OTUD7A: variants seen among roughly 807,000 people sequenced by gnomAD.
The protein encoded by OTUD7A is OTU deubiquitinase 7A, also known as OTU domain-containing protein 7A.
In OTUD7A, 12 loss-of-function variants were observed where a neutral mutation model predicts 65.7. The observed-to-expected ratio is 0.18, with a 90% CI of 0.12 to 0.30. The LOEUF (loss-of-function observed/expected upper bound fraction) is 0.30, where lower values mean the gene tolerates loss of function less well. Among genes scored for constraint, OTUD7A ranks in the 10% least tolerant of loss-of-function variants. The pLI, the probability that OTUD7A is intolerant of heterozygous loss-of-function variation, is 1.00. For missense variants in OTUD7A, 1,148 were observed against 1,304.8 expected (o/e 0.88, Z 1.85); for synonymous variants, 641 against 586.3 (o/e 1.09, Z -1.35).
At chr15:31,751,983 A>C (rs1201844169) in intron 1 of OTUD7A, among the ~76,000 whole-genome samples, 2 of 152,186 alleles carry the variant, frequency 1.3e-5, no homozygotes, top group African/African-American at 4.8e-5. Flanking sequence ...ACAGAAGCCC[A>C]AACCCCAGCA....
intron 1 of OTUD7A, among the ~76,000 whole-genome samples, chr15:31,768,969 C>T (rs1445536569): frequency 6.6e-6 from 1 of 152,070 alleles, no homozygotes; most frequent in Non-Finnish European, 1.5e-5. Flanking sequence ...AAAGAAAGAA[C>T]AAACAGTAAA....
chr15:31,733,283 C>T (rs1347661262), intron 1 of OTUD7A, among the ~76,000 whole-genome samples: 1 of 152,218 alleles, frequency 6.6e-6, no homozygotes, highest in East Asian at 1.9e-4. Flanking sequence ...CATTACCTCC[C>T]CTGAGTTTGG....
chr15:31,788,900 T>C (rs1895742656), intron 1 of OTUD7A, among the ~76,000 whole-genome samples: 1 of 152,182 alleles, frequency 6.6e-6, no homozygotes, highest in Non-Finnish European at 1.5e-5. Flanking sequence ...TCATTTTGCA[T>C]ATGAACAGGC....
At chr15:31,806,579 C>G (rs1366108735) in intron 1 of OTUD7A, among the ~76,000 whole-genome samples, 5 of 152,218 alleles carry the variant, frequency 3.3e-5, no homozygotes, top group Admixed American at 3.3e-4. Context: ...GCAAAGCCAA[C>G]AAGGACCCCC....
intron 8 of OTUD7A, among the ~76,000 whole-genome samples, chr15:31,515,423 T>C (rs992353765): frequency 2.6e-5 from 4 of 152,104 alleles, no homozygotes; most frequent in African/African-American, 9.7e-5. Context: ...CATGCAAAAC[T>C]TAAAGCAGGG....
chr15:31,548,861 C>A (rs184448481), intron 5 of OTUD7A, among the ~76,000 whole-genome samples: 1 of 152,114 alleles, frequency 6.6e-6, no homozygotes, highest in African/African-American at 2.4e-5. Context: ...TCTGGCTGGA[C>A]ACAGTGGCTC....
intron 1 of OTUD7A, among the ~76,000 whole-genome samples, chr15:31,720,027 G>A (rs1893691099): frequency 6.6e-6 from 1 of 152,084 alleles, no homozygotes; most frequent in African/African-American, 2.4e-5. Context: ...AAGCTTAAAC[G>A]CTAATATAAT....
intron 5 of OTUD7A, among the ~76,000 whole-genome samples, chr15:31,552,252 T>C (rs192719494): frequency 5.9e-5 from 9 of 152,210 alleles, no homozygotes; most frequent in Admixed American, 2.6e-4. Flanking sequence ...TGCAGAACTG[T>C]GAGCCAAATA....
At chr15:31,685,035 C>T (rs1215746489) in intron 1 of OTUD7A, among the ~76,000 whole-genome samples, 3 of 151,824 alleles carry the variant, frequency 2.0e-5, no homozygotes, top group South Asian at 2.1e-4. Context: ...GTTATGGAAA[C>T]GTTGATTCCA....
intron 3 of OTUD7A, among the ~76,000 whole-genome samples, chr15:31,592,879 C>CAAATAA (rs1453670641): frequency 2.3e-4 from 2 of 8,536 alleles, no homozygotes; most frequent in Non-Finnish European, 3.4e-4. Context: ...GGCTCTGTCT[C>CAAATAA]AAAAAAAAAA....
chr15:31,800,156 C>T (rs1896081780), intron 1 of OTUD7A, among the ~76,000 whole-genome samples: 1 of 152,150 alleles, frequency 6.6e-6, no homozygotes, highest in South Asian at 2.1e-4. Flanking sequence ...TCAGTGTGCA[C>T]TGAAAACTCA....
intron 1 of OTUD7A, among the ~76,000 whole-genome samples, chr15:31,737,300 T>G (rs1378764417): frequency 6.6e-6 from 1 of 152,110 alleles, no homozygotes; most frequent in Non-Finnish European, 1.5e-5. Context: ...CTATCCACTA[T>G]TGAAATAGAG....
At chr15:31,767,937 A>T (rs1895132583) in intron 1 of OTUD7A, 1 of 1,546,922 alleles carries the variant, frequency 6.5e-7, no homozygotes, top group Non-Finnish European at 8.9e-7. Context: ...TCTGATCCCC[A>T]CCTCCCTTTG....
chr15:31,643,836 T>C (rs1173843607), intron 3 of OTUD7A, among the ~76,000 whole-genome samples: 3 of 152,334 alleles, frequency 2.0e-5, no homozygotes, highest in East Asian at 1.9e-4. Context: ...GCTAGGCAGA[T>C]AGTTAGGGCA....
chr15:31,585,086 G>A (rs1196671443), intron 3 of OTUD7A, among the ~76,000 whole-genome samples: 15 of 152,190 alleles, frequency 9.9e-5, no homozygotes, highest in Admixed American at 9.8e-4. Flanking sequence ...ATTTCCAGTG[G>A]AATGAAGAAG....
intron 1 of OTUD7A, among the ~76,000 whole-genome samples, chr15:31,869,388 C>A (rs942239402): frequency 6.6e-6 from 1 of 152,200 alleles, no homozygotes; most frequent in South Asian, 2.1e-4. Context: ...AGGACACCTG[C>A]AGATTTTCCT....
intron 1 of OTUD7A, among the ~76,000 whole-genome samples, chr15:31,676,618 C>A (rs1892600230): frequency 2.6e-5 from 4 of 152,176 alleles, no homozygotes; most frequent in Admixed American, 2.0e-4. Context: ...CTGAAAGATG[C>A]TGCCATGACA....
chr15:31,870,113 C>T (rs985310036), intron 1 of OTUD7A, among the ~76,000 whole-genome samples: 1 of 149,996 alleles, frequency 6.7e-6, no homozygotes, highest in African/African-American at 2.4e-5. Flanking sequence ...CCGACGCGCG[C>T]GCACGGACCG....
intron 1 of OTUD7A, among the ~76,000 whole-genome samples, chr15:31,690,332 G>A (rs1595710296): frequency 6.6e-6 from 1 of 151,948 alleles, no homozygotes; most frequent in African/African-American, 2.4e-5. Flanking sequence ...ATCTCTCATT[G>A]GTCCTTTATT....
Sources: gnomAD v4.1 joint callset for allele counts (sites outside exome capture counted in the v4.1 genomes callset) on GRCh38, gnomAD v4.1.1 for gene constraint, MANE v1.5 for transcripts, NCBI Gene and HGNC (gene_info 2026-07-23, HGNC 2026-07-21) for gene names.